The following MTSS1 variants were observed in gnomAD, a reference collection of about 807,000 sequenced individuals.
MTSS1 encodes the protein protein MTSS 1.
MTSS1 carries 18 observed loss-of-function variants against 79.0 expected under a neutral mutation model. The observed-to-expected ratio is 0.23, with a 90% CI of 0.16 to 0.34. The LOEUF is 0.34. Ranked by LOEUF, MTSS1 falls within the 10% of genes least tolerant of loss-of-function variation. MTSS1 has a pLI of 1.00. For synonymous variants in MTSS1, 341 were observed against 368.6 expected (o/e 0.93, Z 0.86); for missense variants, 815 against 986.2 (o/e 0.83, Z 2.33).
chr8:124,607,903 T>C (rs1302618837), intron 3 of MTSS1, among the ~76,000 whole-genome samples: 2 of 152,144 alleles, frequency 1.3e-5, no homozygotes, highest in African/African-American at 2.4e-5. Flanking sequence ...TACTTAAAAA[T>C]GTAATTTGTT....
intron 3 of MTSS1, among the ~76,000 whole-genome samples, chr8:124,614,828 G>A (rs942526547): frequency 4.6e-5 from 7 of 152,220 alleles, no homozygotes; most frequent in African/African-American, 1.7e-4. Context: ...CATATTTTAT[G>A]TGTTTACTAA....
At chr8:124,651,129 T>C (rs930384635) in intron 3 of MTSS1, among the ~76,000 whole-genome samples, 11 of 152,256 alleles carry the variant, frequency 7.2e-5, no homozygotes, top group Non-Finnish European at 1.2e-4. Flanking sequence ...ACTTTTTGTC[T>C]TCTCGTGTGT....
chr8:124,700,079 C>A (rs551107758), intron 2 of MTSS1, among the ~76,000 whole-genome samples: 1 of 151,494 alleles, frequency 6.6e-6, no homozygotes, highest in African/African-American at 2.4e-5. Flanking sequence ...GCAGAGGTTG[C>A]GGTGAGCCAA....
At chr8:124,699,452 T>C in intron 3 of MTSS1, 74 bp downstream of exon 3, 1 of 1,360,108 alleles carries the variant, frequency 7.4e-7, no homozygotes, top group Non-Finnish European at 1.0e-6. Context: ...TGCATCTTCT[T>C]GTGCAGCCAC....
rs1417585361 is a variant in MTSS1 at position 124,553,271 on chromosome 8, TGAG to T, written c.1986_1988del (p.Ser663del). 3.7e-6 allele frequency: 6 copies of T among 1,614,040 alleles called. No homozygotes were observed. In the East Asian group the frequency reaches 8.9e-5, roughly 24 times the overall value. ...TAACGGAAGCTTGGCCGCTCCACAT[TGAG>T]GAGGGCATGCTGGTGACACCTTGGG... On this transcript the variant is annotated inframe_deletion, in exon 14 of 14. Transcript: ENST00000518547. The surrounding 1 kb of genome is among the most constrained non-coding windows in gnomAD (Gnocchi z 6.0).
At chr8:124,694,262 C>T (rs759544748) in intron 3 of MTSS1, among the ~76,000 whole-genome samples, 4 of 152,008 alleles carry the variant, frequency 2.6e-5, no homozygotes, top group East Asian at 1.9e-4. Flanking sequence ...TGGCCCATCC[C>T]GGCCACTGTG....
chr8:124,627,224 T>C (rs1814871700), intron 3 of MTSS1, among the ~76,000 whole-genome samples: 1 of 152,182 alleles, frequency 6.6e-6, no homozygotes, highest in African/African-American at 2.4e-5. Flanking sequence ...ACTGGAATCA[T>C]CTTACAGTGT....
At chr8:124,719,370 C>A (rs888047969) in intron 1 of MTSS1, among the ~76,000 whole-genome samples, 1 of 152,186 alleles carries the variant, frequency 6.6e-6, no homozygotes, top group African/African-American at 2.4e-5. Flanking sequence ...CAGTTCCGAG[C>A]GAGGGTGTCA....
At chr8:124,664,468 G>T (rs1414844418) in intron 3 of MTSS1, among the ~76,000 whole-genome samples, 1 of 151,180 alleles carries the variant, frequency 6.6e-6, no homozygotes, top group East Asian at 1.9e-4. Flanking sequence ...TTTAATCGTT[G>T]GGAGTATGTA....
Position 124,566,970 on chromosome 8 carries a change from GACT to G in MTSS1, c.726+98_726+100del, listed in dbSNP as rs376079568. On this transcript the variant is annotated intron_variant, in intron 8 of 13. Transcript: ENST00000518547. ...ACATCATGAAGGACGTGGTGAATATGACTACAATTTAAGACGTGACACATGCCA... is the reference window on the plus strand; with the variant it reads ...ACATCATGAAGGACGTGGTGAATATGACAATTTAAGACGTGACACATGCCA... 1.1e-3 allele frequency: 943 copies of G among 865,096 alleles called. 7 individuals carry two copies. In the African/African-American group the frequency reaches 0.014, roughly 12 times the overall value. 53.6% of individuals were successfully genotyped at this position (865,096 alleles called of 1,614,324 possible). A position where few individuals can be genotyped will look rare whatever the true frequency, so the allele number is the denominator to read the frequency against.
At chr8:124,653,863 A>T (rs1820466556) in intron 3 of MTSS1, among the ~76,000 whole-genome samples, 1 of 152,232 alleles carries the variant, frequency 6.6e-6, no homozygotes, top group South Asian at 2.1e-4. Flanking sequence ...AGATGCCTAT[A>T]ATCGACAGAA....
chr8:124,621,733 G>A (rs1813552211), intron 3 of MTSS1, among the ~76,000 whole-genome samples: 1 of 152,118 alleles, frequency 6.6e-6, no homozygotes, highest in African/African-American at 2.4e-5. Context: ...ATTTTTAGTA[G>A]AGATGGGGTT....
intron 3 of MTSS1, among the ~76,000 whole-genome samples, chr8:124,684,224 T>C (rs1475625040): frequency 2.0e-5 from 3 of 152,186 alleles, no homozygotes; most frequent in Admixed American, 6.5e-5. Context: ...TTGTTGCACA[T>C]CAGAATGAGA....
chr8:124,568,115 G>C (rs1826929470), intron 7 of MTSS1: 1 of 711,216 alleles, frequency 1.4e-6, no homozygotes, highest in Admixed American at 3.3e-5. Flanking sequence ...TGCTGACCTG[G>C]GGACCTCACT....
At chr8:124,592,585 C>T (rs1005666578) in intron 3 of MTSS1, among the ~76,000 whole-genome samples, 3 of 152,202 alleles carry the variant, frequency 2.0e-5, no homozygotes, top group African/African-American at 7.2e-5. Flanking sequence ...TTCAGCTCCA[C>T]ATGTTTTCCA....
chr8:124,630,008 C>T (rs1035051055), intron 3 of MTSS1, among the ~76,000 whole-genome samples: 11 of 152,168 alleles, frequency 7.2e-5, no homozygotes, highest in Admixed American at 6.5e-5. Context: ...GCGTCAGCCC[C>T]GCTTGCTTAA....
chr8:124,609,250 C>T (rs1835361393), intron 3 of MTSS1, among the ~76,000 whole-genome samples: 1 of 152,142 alleles, frequency 6.6e-6, no homozygotes, highest in African/African-American at 2.4e-5. Context: ...GAAGCTTCTC[C>T]ACCCCTCGCC....
intron 1 of MTSS1, among the ~76,000 whole-genome samples, chr8:124,721,059 A>G (rs1029016595): frequency 1.3e-5 from 2 of 152,168 alleles, no homozygotes; most frequent in African/African-American, 2.4e-5. Flanking sequence ...TGTAGCCAGC[A>G]GAAGGTAGAA....
At chr8:124,699,461 A>G in intron 3 of MTSS1, 65 bp downstream of exon 3, 40 of 1,438,136 alleles carry the variant, frequency 2.8e-5, no homozygotes, top group Non-Finnish European at 3.8e-5. Flanking sequence ...TTGTGCAGCC[A>G]CCCAAGGGGA....
Sources: allele counts gnomAD v4.1 joint callset (sites outside exome capture counted in the v4.1 genomes callset), GRCh38; gene constraint gnomAD v4.1.1; non-coding constraint Gnocchi (gnomAD v3.1); transcripts MANE v1.5; gene names NCBI Gene and HGNC (gene_info 2026-07-23, HGNC 2026-07-21).